The following NCOR2 variants were observed in gnomAD, a reference collection of about 807,000 sequenced individuals.
The protein encoded by NCOR2 is CTG repeat protein 26.
Under a neutral mutation model 262.9 loss-of-function variants are expected in NCOR2, and 81 were observed. The observed-to-expected ratio is 0.31, with a 90% CI of 0.26 to 0.37. The LOEUF (loss-of-function observed/expected upper bound fraction) is 0.37, where lower values mean the gene tolerates loss of function less well. Ranked by LOEUF, NCOR2 falls within the 10% of genes least tolerant of loss-of-function variation. NCOR2 has a pLI of 1.00. For missense variants in NCOR2, 3,385 were observed against 3,621.4 expected (o/e 0.93, Z 1.68); for synonymous variants, 1,659 against 1,559.3 (o/e 1.06, Z -1.51).
At chr12:124,452,589 A>G (rs554452679) in intron 6 of NCOR2, among the ~76,000 whole-genome samples, 1 of 152,378 alleles carries the variant, frequency 6.6e-6, no homozygotes, top group East Asian at 1.9e-4. Context: ...TTTTAAAGAT[A>G]GCAAACAGCC....
rs1002896497 is a variant in NCOR2 at position 124,523,175 on chromosome 12, T to C, written c.-118+12390A>G. 9.9e-5 allele frequency among the ~76,000 whole-genome samples: 15 copies of C among 152,226 alleles called. No individual in the cohort carries two copies. On this transcript the variant is annotated intron_variant, in intron 1 of 46. Transcript: ENST00000404621. This position sits in a 1 kb window ranked among gnomAD's most constrained non-coding sequence, Gnocchi z 4.0. ...GCTGTTTTTCTGCATGTTGTTTTTATTTTTAAAAGGGGCCGCCCCCACCCA... is the reference window on the plus strand; with the variant it reads ...GCTGTTTTTCTGCATGTTGTTTTTACTTTTAAAAGGGGCCGCCCCCACCCA...
chr12:124,501,163 GGGCGGAACCAC>G (rs1215318834), intron 1 of NCOR2, among the ~76,000 whole-genome samples: 1 of 152,034 alleles, frequency 6.6e-6, no homozygotes, highest in Non-Finnish European at 1.5e-5. Flanking sequence ...CCCCTGGGGT[GGGCGGAACCAC>G]GGCGGGAACA....
chr12:124,417,603 T>G (rs2042980722), intron 13 of NCOR2, among the ~76,000 whole-genome samples: 1 of 150,986 alleles, frequency 6.6e-6, no homozygotes, highest in African/African-American at 2.5e-5. Flanking sequence ...AGACGCCTGA[T>G]GATGTTTTCC....
At chr12:124,528,813 G>A (rs2050620055) in intron 1 of NCOR2, among the ~76,000 whole-genome samples, 1 of 152,204 alleles carries the variant, frequency 6.6e-6, no homozygotes, top group Non-Finnish European at 1.5e-5. Flanking sequence ...AGAGTCATGA[G>A]TTTCATTTCT....
Position 124,340,217 on chromosome 12 carries a change from A to C in NCOR2, c.5489-13T>G. ...CTCTGCTCTGTACCTGGTGACAGTC[A>C]GTGGCATCAGCAGGGGGAGGCCTCT... On this transcript the variant is annotated splice_polypyrimidine_tract_variant and intron_variant, in intron 36 of 46. Coordinates refer to ENST00000405201, the Ensembl canonical transcript of NCOR2. 6.2e-7 allele frequency: 1 copy of C among 1,604,662 alleles called. No individual in the cohort carries two copies. Among genetic ancestry groups the C allele is most frequent in the Non-Finnish European group, 8.5e-7 (1 of 1,176,930 alleles).
chr12:124,386,756 G>A (rs1010584757), intron 16 of NCOR2, among the ~76,000 whole-genome samples: 7 of 152,230 alleles, frequency 4.6e-5, no homozygotes, highest in South Asian at 2.1e-4. Context: ...CTGCTGCACC[G>A]GAGGCAGTGC....
At chr12:124,499,184 C>T (rs754163752), upstream of NCOR2, among the ~76,000 whole-genome samples, 5 of 152,194 alleles carry the variant, frequency 3.3e-5, no homozygotes, top group South Asian at 6.2e-4. Flanking sequence ...CAGGAGAGGA[C>T]GAGGGAGCCC....
chr12:124,557,287 C>T (rs1295573100), intron 1 of NCOR2, among the ~76,000 whole-genome samples: 2 of 152,230 alleles, frequency 1.3e-5, no homozygotes, highest in African/African-American at 4.8e-5. Context: ...CCCACTGTTA[C>T]TTTGTCACAG....
In NCOR2 at chr12:124,480,932, T is replaced by G. The variant is rs141100519; in HGVS notation, c.411+2664A>C. Among the ~76,000 whole-genome samples the G allele has an allele frequency of 8.4e-3, 714 of 85,276 alleles. 22 individuals are homozygous for G. In the East Asian group the frequency reaches 0.12, roughly 15 times the overall value. The allele number at this position is 85,276 out of a possible 152,430, so 55.9% of individuals were successfully genotyped here. On this transcript the variant is annotated intron_variant, in intron 3 of 46. Coordinates refer to ENST00000405201, the Ensembl canonical transcript of NCOR2. Reference sequence around the variant, plus strand: ...GATGATGGCAGGCAGAACCCATGGGTGAGGGGCGGCTGGGAGGTGAGGGGG... The same window carrying G: ...GATGATGGCAGGCAGAACCCATGGGGGAGGGGCGGCTGGGAGGTGAGGGGG...
At chr12:124,385,254 G>A (rs1023516228) in intron 17 of NCOR2, among the ~76,000 whole-genome samples, 31 of 152,170 alleles carry the variant, frequency 2.0e-4, no homozygotes, top group African/African-American at 6.8e-4. Flanking sequence ...GGATGCTGGG[G>A]CTGAGACGTC....
chr12:124,426,114 C>T (rs1408351897), intron 11 of NCOR2, among the ~76,000 whole-genome samples: 1 of 152,244 alleles, frequency 6.6e-6, no homozygotes, highest in East Asian at 1.9e-4. Flanking sequence ...CGTCTTACAT[C>T]CAGCTGCCCT....
chr12:124,344,295 G>A (rs1376681205), intron 32 of NCOR2, among the ~76,000 whole-genome samples: 1 of 152,200 alleles, frequency 6.6e-6, no homozygotes, highest in Non-Finnish European at 1.5e-5. Context: ...CAGGGAAGTG[G>A]AATAATATGA....
chr12:124,372,513 G>T (rs773834731), exon 20 of NCOR2: 7 of 1,592,660 alleles, frequency 4.4e-6, no homozygotes, highest in Middle Eastern at 1.7e-4. Flanking sequence ...CGGCGCCCAG[G>T]GTGGCTGGGG....
At position 124,354,232 on chromosome 12, in the gene NCOR2, T is replaced by C. The variant is rs750620308; in HGVS notation, c.3590-36A>G. 84 of 1,541,818 alleles carry C rather than the reference T, an allele frequency of 5.4e-5. No homozygotes were observed. The Middle Eastern group carries it at 6.7e-4, about 12-fold the overall frequency. On this transcript the variant is annotated intron_variant, in intron 26 of 46. Coordinates refer to ENST00000405201, the Ensembl canonical transcript of NCOR2. ...CAAGATGTGGGGCTGAGGGCGTGTCTGTGGCCCTTCCTTCCCCAGGCCCCA... is the reference window on the plus strand; with the variant it reads ...CAAGATGTGGGGCTGAGGGCGTGTCCGTGGCCCTTCCTTCCCCAGGCCCCA...
In NCOR2 at chr12:124,332,370, G is replaced by T; in HGVS notation, c.6853C>A (p.Gln2285Lys). 6.2e-7 allele frequency: 1 copy of T among 1,614,208 alleles called. No individual in the cohort carries two copies. The highest frequency in any genetic ancestry group is 8.5e-7 in the Non-Finnish European group (1 of 1,180,024). ...GTGTTCAGCTTCTTGTTGATCTCTT[G>T]CTTCTTGGACTTGACCATGGCGGAG... Residue 2285 changes from glutamine to lysine, a missense_variant, in exon 43 of 47, where the codon CAA becomes AAA. By Grantham distance (53) the Gln-to-Lys change is moderately conservative. Coordinates refer to ENST00000405201, the Ensembl canonical transcript of NCOR2.
chr12:124,327,272 G>A (rs1001782052), intron 45 of NCOR2, 137 bp downstream of exon 47: 10 of 719,220 alleles, frequency 1.4e-5, no homozygotes, highest in East Asian at 5.5e-5. Flanking sequence ...ACTCCAGAAC[G>A]AGGTCAAACA....
At chr12:124,416,442 C>A (rs2042862138) in intron 13 of NCOR2, among the ~76,000 whole-genome samples, 1 of 152,182 alleles carries the variant, frequency 6.6e-6, no homozygotes, top group African/African-American at 2.4e-5. Context: ...TGGGGCTGCT[C>A]CTCAACCTCA....
intron 20 of NCOR2, 40 bp from the exon 23 acceptor site, chr12:124,363,839 C>T (rs778198174): frequency 1.9e-5 from 25 of 1,316,996 alleles, no homozygotes; most frequent in South Asian, 1.8e-4. Flanking sequence ...GGCCCACAGC[C>T]GGACTCTCCC....
In NCOR2 at chr12:124,529,196, A is replaced by ACAAAAAAAC. The variant is rs757301868; in HGVS notation, c.-118+6368_-118+6369insGTTTTTTTG. ...CTCCGACTCAAAAAAAAAAAAAAAA[A>ACAAAAAAAC]AAAAAACACTCACTAATCCTAGCAC... On this transcript the variant is annotated intron_variant, in intron 1 of 46. Coordinates refer to the NCOR2 transcript ENST00000404621. 4.6e-3 allele frequency among the ~76,000 whole-genome samples: 678 copies of ACAAAAAAAC among 147,164 alleles called. 6 individuals are homozygous for ACAAAAAAAC. The highest frequency in any genetic ancestry group is 0.011 in the South Asian group (49 of 4,592).
Sources: gnomAD v4.1 joint callset for allele counts (sites outside exome capture counted in the v4.1 genomes callset) on GRCh38, gnomAD v4.1.1 for gene constraint, Gnocchi (gnomAD v3.1) non-coding constraint, MANE v1.5 for transcripts, NCBI Gene and HGNC (gene_info 2026-07-23, HGNC 2026-07-21) for gene names.